Variants in ADGRB3 observed in about 807,000 individuals in gnomAD.
The protein encoded by ADGRB3 is adhesion G protein-coupled receptor B3.
ADGRB3 carries 37 observed loss-of-function variants against 193.4 expected under a neutral mutation model. The observed-to-expected ratio is 0.19, with a 90% confidence interval of 0.15 to 0.25. The LOEUF is 0.25. Ranked by LOEUF, ADGRB3 falls within the 10% of genes least tolerant of loss-of-function variation. ADGRB3 has a pLI of 1.00. For missense variants in ADGRB3, 1,637 were observed against 1,852.9 expected (o/e 0.88, Z 2.14); for synonymous variants, 690 against 644.2 (o/e 1.07, Z -1.08).
At chr6:68,950,013 G>A (rs981063865) in intron 6 of ADGRB3, among the ~76,000 whole-genome samples, 2 of 151,850 alleles carry the variant, frequency 1.3e-5, no homozygotes, top group Non-Finnish European at 1.5e-5. Context: ...ATGGCAAATG[G>A]AAGACAGATT....
intron 3 of ADGRB3, among the ~76,000 whole-genome samples, chr6:68,783,090 A>G (rs1766889301): frequency 6.6e-6 from 1 of 151,768 alleles, no homozygotes; most frequent in South Asian, 2.1e-4. Context: ...TATGGCAGGA[A>G]CTGTAATACA....
intron 11 of ADGRB3, among the ~76,000 whole-genome samples, chr6:69,006,950 C>T (rs1207782368): frequency 6.6e-6 from 1 of 151,952 alleles, no homozygotes; most frequent in African/African-American, 2.4e-5. Flanking sequence ...ACTGAAAAGC[C>T]TCCAGTTTAA....
Position 68,956,821 on chromosome 6 carries a change from C to A in ADGRB3, c.1525+12C>A. The A allele has an allele frequency of 2.5e-6, 4 of 1,597,930 alleles. No individual in the cohort carries two copies. Among genetic ancestry groups the A allele is most frequent in the South Asian group, 1.1e-5 (1 of 89,226 alleles). On this transcript the variant is annotated intron_variant, in intron 8 of 31. Coordinates refer to ENST00000370598, the MANE Select transcript of ADGRB3 (RefSeq NM_001704.3). ...GCAGCGATGCCCTGGTGAGAATGAA[C>A]CCAAATTATCCCAAAAGAAACATTT...
At chr6:68,718,909 G>C (rs2746137) in intron 3 of ADGRB3, among the ~76,000 whole-genome samples, 13 of 151,488 alleles carry the variant, frequency 8.6e-5, no homozygotes, top group Admixed American at 4.0e-4. Context: ...CCTTTGCGCT[G>C]TAACAGCAGA....
rs191661890 is a variant in ADGRB3 at position 68,823,400 on chromosome 6, A to G, written c.758-107159A>G. Reference sequence around the variant, plus strand: ...GACAGACTAGATGGTAAGTAGATACATAGATAGATACATATATTGATTGAT... The same window carrying G: ...GACAGACTAGATGGTAAGTAGATACGTAGATAGATACATATATTGATTGAT... On this transcript the variant is annotated intron_variant, in intron 3 of 31. Transcript: ENST00000370598. 2.1e-4 allele frequency among the ~76,000 whole-genome samples: 32 copies of G among 152,142 alleles called. No homozygotes were observed. In the East Asian group the frequency reaches 6.2e-3, roughly 29 times the overall value.
At chr6:69,004,836 C>T (rs1240439939) in intron 11 of ADGRB3, among the ~76,000 whole-genome samples, 1 of 152,086 alleles carries the variant, frequency 6.6e-6, no homozygotes, top group East Asian at 1.9e-4. Flanking sequence ...GAGCCTATAA[C>T]AAGGAATCTT....
At chr6:69,270,010 A>C (rs536875515) in intron 20 of ADGRB3, among the ~76,000 whole-genome samples, 3 of 152,174 alleles carry the variant, frequency 2.0e-5, no homozygotes, top group Non-Finnish European at 4.4e-5. Context: ...TATAAAGTAC[A>C]ATGTTTCTCA....
chr6:69,256,322 T>C (rs1766770512), intron 20 of ADGRB3, among the ~76,000 whole-genome samples: 1 of 152,160 alleles, frequency 6.6e-6, no homozygotes. Flanking sequence ...ATATTGATTC[T>C]TCCTACCCAT....
intron 3 of ADGRB3, among the ~76,000 whole-genome samples, chr6:68,729,882 T>G (rs571785929): frequency 6.6e-6 from 1 of 151,710 alleles, no homozygotes; most frequent in African/African-American, 2.4e-5. Flanking sequence ...TTCGGCCAAG[T>G]TATAAACTGG....
At chr6:68,778,216 C>T (rs1292815142) in intron 3 of ADGRB3, among the ~76,000 whole-genome samples, 1 of 151,936 alleles carries the variant, frequency 6.6e-6, no homozygotes, top group African/African-American at 2.4e-5. Context: ...CTGGATTTCT[C>T]CAGGGAATGG....
intron 3 of ADGRB3, among the ~76,000 whole-genome samples, chr6:68,677,772 A>G (rs900171360): frequency 6.6e-6 from 1 of 151,618 alleles, no homozygotes; most frequent in Non-Finnish European, 1.5e-5. Context: ...CACAGGGCTA[A>G]TTTTTGTAAT....
At chr6:69,294,392 G>A (rs2127293857) in intron 20 of ADGRB3, among the ~76,000 whole-genome samples, 1 of 152,118 alleles carries the variant, frequency 6.6e-6, no homozygotes, top group Admixed American at 6.6e-5. Flanking sequence ...TGCATGTGGA[G>A]TTACAAGGTA....
chr6:69,175,321 T>A (rs1205125099), intron 17 of ADGRB3, among the ~76,000 whole-genome samples: 1 of 152,218 alleles, frequency 6.6e-6, no homozygotes, highest in East Asian at 1.9e-4. Flanking sequence ...TTGTATATGG[T>A]GAAATGTAGT....
intron 20 of ADGRB3, among the ~76,000 whole-genome samples, chr6:69,295,083 C>A (rs183447529): frequency 6.6e-6 from 1 of 152,156 alleles, no homozygotes; most frequent in African/African-American, 2.4e-5. Context: ...CAACATTTGG[C>A]AACAGAGGGA....
intron 3 of ADGRB3, among the ~76,000 whole-genome samples, chr6:68,880,088 A>G (rs530779170): frequency 7.2e-5 from 11 of 152,280 alleles, no homozygotes; most frequent in Admixed American, 2.6e-4. Flanking sequence ...TTGCTTGCGA[A>G]TTGTTTAAAG....
At chr6:68,961,450 C>A (rs1302951588) in intron 8 of ADGRB3, among the ~76,000 whole-genome samples, 1 of 152,150 alleles carries the variant, frequency 6.6e-6, no homozygotes, top group East Asian at 1.9e-4. Context: ...TACACATACA[C>A]TTATAAAATA....
chr6:69,001,859 AAC>A (rs1769588438), intron 11 of ADGRB3, among the ~76,000 whole-genome samples: 1 of 152,202 alleles, frequency 6.6e-6, no homozygotes, highest in East Asian at 1.9e-4. Flanking sequence ...CTTGCTGTAA[AAC>A]ACACAGTTAC....
At chr6:69,242,238 T>G (rs963269988) in intron 20 of ADGRB3, among the ~76,000 whole-genome samples, 2 of 151,960 alleles carry the variant, frequency 1.3e-5, no homozygotes, top group Non-Finnish European at 2.9e-5. Context: ...AACTATTTTT[T>G]GAAAATGTAA....
intron 3 of ADGRB3, among the ~76,000 whole-genome samples, chr6:68,922,041 A>G (rs1294549795): frequency 1.3e-5 from 2 of 152,216 alleles, no homozygotes; most frequent in Non-Finnish European, 2.9e-5. Context: ...TATAAGAGAA[A>G]TGTATATATA....
Sources: allele counts gnomAD v4.1 joint callset (sites outside exome capture counted in the v4.1 genomes callset), GRCh38; gene constraint gnomAD v4.1.1; transcripts MANE v1.5; gene names NCBI Gene and HGNC (gene_info 2026-07-23, HGNC 2026-07-21).